The following AGBL4 variants were observed in gnomAD, a reference collection of about 807,000 sequenced individuals.
The protein encoded by AGBL4 is cytosolic carboxypeptidase 6.
Under a neutral mutation model 66.4 loss-of-function variants are expected in AGBL4, and 58 were observed. That is an observed-to-expected ratio of 0.87 (90% CI 0.71 to 1.09). AGBL4 has a LOEUF of 1.09. Ranked by LOEUF, AGBL4 falls within the 50% of genes least tolerant of loss-of-function variation. AGBL4 has a pLI of 0.00. For missense variants in AGBL4, 579 were observed against 631.0 expected, an observed-to-expected ratio of 0.92 and a Z score of 0.88; for synonymous variants, 234 against 222.9, an observed-to-expected ratio of 1.05 and a Z score of -0.44.
chr1:49,304,235 A>G (rs1329098699), intron 3 of AGBL4, among the ~76,000 whole-genome samples: 5 of 152,168 alleles, frequency 3.3e-5, no homozygotes, highest in Admixed American at 6.6e-5. Flanking sequence ...TTAAATAGGG[A>G]ATCCTTTCCC....
At chr1:48,745,736 C>T (rs1650634224) in intron 6 of AGBL4, among the ~76,000 whole-genome samples, 1 of 152,160 alleles carries the variant, frequency 6.6e-6, no homozygotes, top group Non-Finnish European at 1.5e-5. Context: ...ATCTCTAGCC[C>T]TTGGCTTGGG....
chr1:48,810,418 C>T (rs545172637), intron 6 of AGBL4, among the ~76,000 whole-genome samples: 54 of 152,330 alleles, frequency 3.5e-4, no homozygotes, highest in African/African-American at 1.3e-3. Flanking sequence ...ACTTCAAGGT[C>T]CCCTTCAGAG....
At chr1:49,103,726 T>C (rs1645243960) in intron 4 of AGBL4, among the ~76,000 whole-genome samples, 1 of 152,176 alleles carries the variant, frequency 6.6e-6, no homozygotes, top group African/African-American at 2.4e-5. Context: ...CACAATCCAC[T>C]TCAAAACCTA....
At chr1:49,662,857 C>T (rs1029416084) in intron 3 of AGBL4, among the ~76,000 whole-genome samples, 1 of 152,052 alleles carries the variant, frequency 6.6e-6, no homozygotes, top group South Asian at 2.1e-4. Context: ...CAGAAAAGCA[C>T]ATAAGATCAA....
chr1:49,871,007 A>G (rs1432851562), intron 1 of AGBL4, among the ~76,000 whole-genome samples: 3 of 152,128 alleles, frequency 2.0e-5, no homozygotes, highest in African/African-American at 7.2e-5. Flanking sequence ...GGGCCAGAAA[A>G]TAAAACTATT....
intron 3 of AGBL4, among the ~76,000 whole-genome samples, chr1:49,339,170 A>C (rs1645491065): frequency 6.6e-6 from 1 of 152,080 alleles, no homozygotes; most frequent in Non-Finnish European, 1.5e-5. Flanking sequence ...TGGATAATCA[A>C]ATAATAAAGT....
At chr1:48,881,977 G>C (rs1024898629) in intron 5 of AGBL4, among the ~76,000 whole-genome samples, 13 of 152,308 alleles carry the variant, frequency 8.5e-5, no homozygotes, top group Non-Finnish European at 8.8e-5. Context: ...GGCTGGGCAT[G>C]GTGGTTTATG....
At chr1:49,193,791 C>T (rs1047732457) in intron 4 of AGBL4, among the ~76,000 whole-genome samples, 1 of 152,112 alleles carries the variant, frequency 6.6e-6, no homozygotes, top group South Asian at 2.1e-4. Flanking sequence ...CCTTGGCCTC[C>T]CCAAGTCCTG....
chr1:49,100,712 C>G (rs918471655), intron 4 of AGBL4, among the ~76,000 whole-genome samples: 1 of 152,112 alleles, frequency 6.6e-6, no homozygotes. Context: ...AGGCAGGGCT[C>G]AACTAACATA....
intron 6 of AGBL4, among the ~76,000 whole-genome samples, chr1:48,769,571 A>ACACACACACACAC (rs1491337703): frequency 3.2e-5 from 4 of 123,188 alleles, no homozygotes; most frequent in South Asian, 2.5e-4. Flanking sequence ...ACACACACAC[A>ACACACACACACAC]AGTTAAATTT....
rs1649010489 is a variant in AGBL4, at chr1:48,736,156, C to T, written c.635-72915G>A. On this transcript the variant is annotated intron_variant, in intron 6 of 13. Coordinates refer to ENST00000371839, the MANE Select transcript of AGBL4 (RefSeq NM_032785.4). The surrounding 1 kb of genome is among the most constrained non-coding windows in gnomAD (Gnocchi z 4.0). ...GGCATGCAGAAGCTTCATAAGTAAT[C>T]GTTGAATTGAATTGTGCCTAACACA... 7 of 1,451,666 alleles carry T rather than the reference C, an allele frequency of 4.8e-6. No homozygotes were observed. The highest frequency in any genetic ancestry group is 3.5e-5 in the South Asian group (3 of 85,196). 89.9% of individuals were successfully genotyped at this position (1,451,666 alleles called of 1,614,324 possible). A position where few individuals can be genotyped will look rare whatever the true frequency, so the allele number is the denominator to read the frequency against.
intron 3 of AGBL4, among the ~76,000 whole-genome samples, chr1:49,293,950 G>A (rs1040485383): frequency 6.6e-6 from 1 of 152,146 alleles, no homozygotes; most frequent in Non-Finnish European, 1.5e-5. Context: ...ACGCAGATAT[G>A]ATTTTTCAGC....
At chr1:49,201,274 C>T (rs1647678158) in intron 4 of AGBL4, among the ~76,000 whole-genome samples, 1 of 152,132 alleles carries the variant, frequency 6.6e-6, no homozygotes, top group African/African-American at 2.4e-5. Context: ...ACTTTCTGTT[C>T]ACTCCATATT....
intron 5 of AGBL4, among the ~76,000 whole-genome samples, chr1:49,044,443 C>A (rs1644025072): frequency 6.6e-6 from 1 of 151,830 alleles, no homozygotes; most frequent in Admixed American, 6.6e-5. Flanking sequence ...GAGCTGTGAG[C>A]CAAGATCTTG....
intron 1 of AGBL4, among the ~76,000 whole-genome samples, chr1:49,908,565 C>T (rs1039564732): frequency 3.3e-5 from 5 of 152,142 alleles, no homozygotes; most frequent in African/African-American, 1.2e-4. Context: ...TCTGCAGAAC[C>T]GTGAGCCAAT....
intron 4 of AGBL4, among the ~76,000 whole-genome samples, chr1:49,162,518 C>A (rs1295649618): frequency 2.0e-5 from 3 of 152,046 alleles, no homozygotes; most frequent in East Asian, 1.9e-4. Context: ...CCTATGAGAA[C>A]AAAAATAAAT....
chr1:49,363,798 A>G (rs1327462964), intron 3 of AGBL4, among the ~76,000 whole-genome samples: 1 of 152,230 alleles, frequency 6.6e-6, no homozygotes. Flanking sequence ...ACAAATATAT[A>G]GAGTACTCAT....
chr1:49,325,634 G>C (rs1330356367), intron 3 of AGBL4, among the ~76,000 whole-genome samples: 1 of 152,108 alleles, frequency 6.6e-6, no homozygotes, highest in Non-Finnish European at 1.5e-5. Flanking sequence ...ACCATATGTT[G>C]AAAGCAAAAT....
chr1:48,792,113 G>T (rs986241611), intron 6 of AGBL4, among the ~76,000 whole-genome samples: 1 of 152,180 alleles, frequency 6.6e-6, no homozygotes, highest in African/African-American at 2.4e-5. Flanking sequence ...AGTTCAACAT[G>T]ACTTGTGTCT....
Sources: gnomAD v4.1 joint callset for allele counts (sites outside exome capture counted in the v4.1 genomes callset) on GRCh38, gnomAD v4.1.1 for gene constraint, Gnocchi (gnomAD v3.1) non-coding constraint, MANE v1.5 for transcripts, NCBI Gene and HGNC (gene_info 2026-07-23, HGNC 2026-07-21) for gene names.